Variants in LINGO2 observed in about 807,000 individuals in gnomAD.
LINGO2 encodes the protein leucine-rich repeat and immunoglobulin-like domain-containing nogo receptor-interacting protein 2.
A neutral mutation model predicts 30.6 loss-of-function variants in LINGO2; 14 were observed. That is an observed-to-expected ratio of 0.46 (90% CI 0.30 to 0.72). The LOEUF is 0.72. Among genes scored for constraint, LINGO2 ranks in the 30% least tolerant of loss-of-function variants. The pLI is 0.07. For synonymous variants in LINGO2, 317 were observed against 288.5 expected, an observed-to-expected ratio of 1.10 and a Z score of -1.00; for missense variants, 729 against 751.7, an observed-to-expected ratio of 0.97 and a Z score of 0.35.
the LINGO2 span, among the ~76,000 whole-genome samples, chr9:28,789,123 C>A: frequency 1.3e-5 from 2 of 152,010 alleles, no homozygotes; most frequent in Non-Finnish European, 2.9e-5. Flanking sequence ...ATATACACTG[C>A]TTTAAAATAT....
At chr9:28,782,532 C>G in the LINGO2 span, among the ~76,000 whole-genome samples, 2 of 151,846 alleles carry the variant, frequency 1.3e-5, no homozygotes, top group African/African-American at 2.4e-5. Flanking sequence ...GCCACATTAA[C>G]TATGTGTTGT....
intron 1 of LINGO2, among the ~76,000 whole-genome samples, chr9:28,595,812 A>G (rs990910556): frequency 5.3e-5 from 8 of 152,164 alleles, no homozygotes; most frequent in African/African-American, 1.9e-4. Flanking sequence ...TTGCCTGTGC[A>G]TCTGTTTTCA....
chr9:28,660,427 G>T (rs561755578), intron 1 of LINGO2, among the ~76,000 whole-genome samples: 1 of 152,174 alleles, frequency 6.6e-6, no homozygotes, highest in South Asian at 2.1e-4. Flanking sequence ...AATGTAAATA[G>T]ACTAATTACC....
At chr9:28,843,825 A>G in the LINGO2 span, among the ~76,000 whole-genome samples, 1 of 151,804 alleles carries the variant, frequency 6.6e-6, no homozygotes, top group Non-Finnish European at 1.5e-5. Context: ...TGTTTCCCTG[A>G]GCTTACTATG....
Position 28,235,792 on chromosome 9 carries a change from G to A in LINGO2, c.-87+59416C>T, listed in dbSNP as rs777738794. ...GGCTATTTGAAATTGCACAGTCAGAGGAGACAAAAAAAGTCAATGAAGCAC... is the reference window on the plus strand; with the variant it reads ...GGCTATTTGAAATTGCACAGTCAGAAGAGACAAAAAAAGTCAATGAAGCAC... On this transcript the variant is annotated intron_variant, in intron 4 of 5. Transcript: ENST00000379992. Among the ~76,000 whole-genome samples, 3 of 152,076 alleles carry A rather than the reference G, an allele frequency of 2.0e-5. No individual in the cohort carries two copies. The South Asian group carries it at 6.2e-4, about 32-fold the overall frequency.
In LINGO2 at chr9:28,054,369, A is replaced by AGAT. The variant is rs558299922; in HGVS notation, c.-86-41967_-86-41965dup. On this transcript the variant is annotated intron_variant, in intron 4 of 5. Coordinates refer to ENST00000379992, the Ensembl canonical transcript of LINGO2. ...TTAACACTTTTACTTAGATGCTACA[A>AGAT]GATGCCGAAAGATCAGTAGTAGCTG... Among the ~76,000 whole-genome samples, 217 of 152,236 alleles carry AGAT rather than the reference A, an allele frequency of 1.4e-3. 2 individuals are homozygous for AGAT. Among genetic ancestry groups the AGAT allele is most frequent in the African/African-American group, 5.0e-3 (208 of 41,556 alleles).
intron 1 of LINGO2, among the ~76,000 whole-genome samples, chr9:28,602,052 G>A (rs1315393547): frequency 1.3e-5 from 2 of 152,172 alleles, no homozygotes; most frequent in Non-Finnish European, 2.9e-5. Flanking sequence ...AGTGCTCCCT[G>A]GAGAAATGAG....
At chr9:28,398,796 C>G (rs138832455) in intron 2 of LINGO2, among the ~76,000 whole-genome samples, 1 of 152,052 alleles carries the variant, frequency 6.6e-6, no homozygotes, top group East Asian at 1.9e-4. Context: ...TTTATTGATT[C>G]AGGAAATGTA....
At chr9:28,009,140 AGT>A (rs1491459253) in intron 5 of LINGO2, among the ~76,000 whole-genome samples, 2 of 5,986 alleles carry the variant, frequency 3.3e-4, no homozygotes, top group Admixed American at 3.6e-3. Context: ...CAAAGGGAAA[AGT>A]TTTTTTTTTT....
At chr9:27,969,366 T>C (rs189368758) in intron 5 of LINGO2, among the ~76,000 whole-genome samples, 5 of 152,128 alleles carry the variant, frequency 3.3e-5, no homozygotes, top group Non-Finnish European at 5.9e-5. Context: ...ATAAGCCTGT[T>C]AGTGTCTAAC....
intron 5 of LINGO2, among the ~76,000 whole-genome samples, chr9:27,992,616 T>C (rs1821453081): frequency 6.6e-6 from 1 of 152,012 alleles, no homozygotes; most frequent in African/African-American, 2.4e-5. Context: ...TTTAATAATA[T>C]AAAGTGAAAA....
chr9:28,278,382 A>T (rs1823204578), intron 4 of LINGO2, among the ~76,000 whole-genome samples: 1 of 152,244 alleles, frequency 6.6e-6, no homozygotes, highest in Admixed American at 6.5e-5. Flanking sequence ...AGAAGGTGCC[A>T]TCTAGGATTT....
the LINGO2 span, among the ~76,000 whole-genome samples, chr9:29,055,940 G>GTATATATATATGTGTGTATATA: frequency 3.8e-3 from 455 of 119,846 alleles, 13 homozygotes; most frequent in African/African-American, 0.013. Context: ...ATGTGTGTGT[G>GTATATATATATGTGTGTATATA]TATATATACA....
intron 1 of LINGO2, among the ~76,000 whole-genome samples, chr9:28,482,193 C>T (rs543973516): frequency 1.6e-4 from 25 of 151,860 alleles, no homozygotes; most frequent in East Asian, 1.9e-4. Context: ...CCTGAGGAAT[C>T]GCCACACTGA....
At chr9:29,018,416 C>A in the LINGO2 span, among the ~76,000 whole-genome samples, 6 of 151,686 alleles carry the variant, frequency 4.0e-5, no homozygotes, top group Non-Finnish European at 5.9e-5. Context: ...CACAATATAC[C>A]CATGTAACGA....
At chr9:28,674,124 T>C (rs1419171452), upstream of LINGO2, among the ~76,000 whole-genome samples, 1 of 152,074 alleles carries the variant, frequency 6.6e-6, no homozygotes, top group Admixed American at 6.6e-5. Context: ...ACAGTAACTA[T>C]AGAGGATTAA....
At chr9:29,144,742 T>A in the LINGO2 span, among the ~76,000 whole-genome samples, 3 of 152,116 alleles carry the variant, frequency 2.0e-5, no homozygotes, top group African/African-American at 7.2e-5. Context: ...CCCCTTTATG[T>A]AGTGTGGAGA....
intron 4 of LINGO2, among the ~76,000 whole-genome samples, chr9:28,195,373 A>C (rs185624854): frequency 2.8e-4 from 42 of 151,808 alleles, no homozygotes; most frequent in Non-Finnish European, 3.8e-4. Flanking sequence ...GCCTTTAAAT[A>C]ACAAGATGGT....
At chr9:28,109,268 G>C (rs1016654521) in intron 4 of LINGO2, among the ~76,000 whole-genome samples, 2 of 152,150 alleles carry the variant, frequency 1.3e-5, no homozygotes, top group Admixed American at 6.5e-5. Flanking sequence ...AGCTATTTAT[G>C]TCAAACCCAC....
Sources: gnomAD v4.1 joint callset for allele counts (sites outside exome capture counted in the v4.1 genomes callset) on GRCh38, gnomAD v4.1.1 for gene constraint, MANE v1.5 for transcripts, NCBI Gene and HGNC (gene_info 2026-07-23, HGNC 2026-07-21) for gene names.